The following NRG3 variants were observed in gnomAD, a reference collection of about 807,000 sequenced individuals.
NRG3 encodes pro-neuregulin-3, membrane-bound isoform.
In NRG3, 31 loss-of-function variants were observed where a neutral mutation model predicts 66.9. That is an observed-to-expected ratio of 0.46 (90% CI 0.35 to 0.63). The LOEUF is 0.63. Ranked by LOEUF, NRG3 falls within the 20% of genes least tolerant of loss-of-function variation. NRG3 has a pLI of 0.00. For missense variants in NRG3, 910 were observed against 878.9 expected (o/e 1.04, Z -0.45); for synonymous variants, 393 against 359.4 (o/e 1.09, Z -1.06).
At chr10:82,780,386 A>G (rs2060071645) in intron 3 of NRG3, among the ~76,000 whole-genome samples, 1 of 151,088 alleles carries the variant, frequency 6.6e-6, no homozygotes, top group Non-Finnish European at 1.5e-5. Context: ...GCATCTGTTG[A>G]GGATATTTGT....
intron 1 of NRG3, among the ~76,000 whole-genome samples, chr10:82,316,050 G>A (rs1003605243): frequency 6.6e-6 from 1 of 152,114 alleles, no homozygotes; most frequent in Non-Finnish European, 1.5e-5. Flanking sequence ...CTGACCACAA[G>A]CAATGGTGTT....
chr10:82,550,478 C>T (rs2044233417), intron 2 of NRG3, among the ~76,000 whole-genome samples: 1 of 152,090 alleles, frequency 6.6e-6, no homozygotes, highest in African/African-American at 2.4e-5. Context: ...CTCTTCTTTC[C>T]ATTAAATCCA....
chr10:82,424,487 T>C, intron 2 of NRG3, among the ~76,000 whole-genome samples: 1 of 152,188 alleles, frequency 6.6e-6, no homozygotes, highest in South Asian at 2.1e-4. Flanking sequence ...AAAAATTGGG[T>C]GATTTGTGTT....
intron 3 of NRG3, among the ~76,000 whole-genome samples, chr10:82,842,185 A>G (rs1318151163): frequency 6.6e-6 from 1 of 152,174 alleles, no homozygotes; most frequent in East Asian, 1.9e-4. Flanking sequence ...TGGGACACAG[A>G]TGTTGCAGTG....
At chr10:82,101,184 C>T (rs1415656005) in intron 1 of NRG3, among the ~76,000 whole-genome samples, 1 of 151,672 alleles carries the variant, frequency 6.6e-6, no homozygotes, top group Non-Finnish European at 1.5e-5. Flanking sequence ...CTTTTGTATT[C>T]TTGATACTGA....
At chr10:82,796,278 A>G (rs1384473170) in intron 3 of NRG3, among the ~76,000 whole-genome samples, 5 of 152,286 alleles carry the variant, frequency 3.3e-5, no homozygotes, top group East Asian at 1.9e-4. Context: ...CAAAATCTCC[A>G]TGAACTTAAT....
Position 82,979,003 on chromosome 10 carries a change from A to G in NRG3, c.1466A>G (p.Asn489Ser). The G allele has an allele frequency of 6.2e-7, 1 of 1,614,068 alleles. No individual in the cohort carries two copies. Among genetic ancestry groups the G allele is most frequent in the Non-Finnish European group, 8.5e-7 (1 of 1,179,982 alleles). ...PGQRSGMLHR[N>S]AFRRTPPSPR... Reference sequence around the variant, plus strand: ...CAAAGAAGTGGCATGCTCCATAGGAATGCCTTCAGAAGGACACCCCCGTCA... The same window carrying G: ...CAAAGAAGTGGCATGCTCCATAGGAGTGCCTTCAGAAGGACACCCCCGTCA... Residue 489 changes from asparagine to serine, a missense_variant, in exon 8 of 9, where the codon AAT (asparagine) becomes AGT (serine). Transcript: ENST00000372141.
chr10:82,271,797 ACT>A (rs1298930465), intron 1 of NRG3, among the ~76,000 whole-genome samples: 1 of 152,014 alleles, frequency 6.6e-6, no homozygotes, highest in Admixed American at 6.6e-5. Context: ...AAGGAAGTTT[ACT>A]CTCTTAGATT....
intron 1 of NRG3, among the ~76,000 whole-genome samples, chr10:82,301,229 G>T (rs927442304): frequency 6.6e-6 from 1 of 152,082 alleles, no homozygotes; most frequent in Non-Finnish European, 1.5e-5. Context: ...TACCAATTTA[G>T]CCCTGGCACT....
At chr10:82,546,613 G>T (rs996916799) in intron 2 of NRG3, among the ~76,000 whole-genome samples, 1 of 152,150 alleles carries the variant, frequency 6.6e-6, no homozygotes, top group African/African-American at 2.4e-5. Flanking sequence ...CCTAAAGTTA[G>T]AAATACGTGT....
At chr10:82,965,764 C>A (rs2132508753) in intron 6 of NRG3, among the ~76,000 whole-genome samples, 1 of 152,038 alleles carries the variant, frequency 6.6e-6, no homozygotes, top group South Asian at 2.1e-4. Flanking sequence ...TATATTAGCA[C>A]AGAGCATAAA....
intron 1 of NRG3, among the ~76,000 whole-genome samples, chr10:82,353,161 T>C (rs984707104): frequency 6.6e-6 from 1 of 152,166 alleles, no homozygotes; most frequent in African/African-American, 2.4e-5. Flanking sequence ...AGTGCAAGTT[T>C]CTTGAGGAAG....
intron 3 of NRG3, among the ~76,000 whole-genome samples, chr10:82,845,141 C>T (rs1450278676): frequency 2.6e-5 from 4 of 152,062 alleles, no homozygotes; most frequent in East Asian, 1.9e-4. Context: ...GGCGATAAAG[C>T]GAGACTGCAT....
At chr10:82,581,185 T>C (rs1600698) in intron 2 of NRG3, among the ~76,000 whole-genome samples, 88,992 of 151,784 alleles carry the variant, frequency 0.59, 28,661 homozygotes, top group African/African-American at 0.85. Flanking sequence ...TAATGACATG[T>C]GATGTTGGGT....
intron 1 of NRG3, among the ~76,000 whole-genome samples, chr10:82,023,038 T>C (rs1203014989): frequency 6.6e-6 from 1 of 151,672 alleles, no homozygotes; most frequent in African/African-American, 2.4e-5. Flanking sequence ...ATTCTTTCTT[T>C]GGGTTGGGAA....
chr10:82,118,732 T>G (rs1340553866), intron 1 of NRG3, among the ~76,000 whole-genome samples: 1 of 152,134 alleles, frequency 6.6e-6, no homozygotes, highest in Non-Finnish European at 1.5e-5. Context: ...AAATGATTTT[T>G]TTTTCTTTGC....
chr10:82,773,444 G>A (rs530169341), intron 3 of NRG3, among the ~76,000 whole-genome samples: 5 of 152,112 alleles, frequency 3.3e-5, no homozygotes, highest in Non-Finnish European at 4.4e-5. Flanking sequence ...TTGATTTTCA[G>A]CTATCGGGTT....
intron 2 of NRG3, among the ~76,000 whole-genome samples, chr10:82,640,488 A>T (rs1340362428): frequency 6.6e-6 from 1 of 152,156 alleles, no homozygotes; most frequent in Admixed American, 6.6e-5. Flanking sequence ...GTGCAAATCC[A>T]TCATCAGGTA....
intron 4 of NRG3, among the ~76,000 whole-genome samples, chr10:82,936,221 C>A (rs939656557): frequency 6.6e-6 from 1 of 152,058 alleles, no homozygotes; most frequent in African/African-American, 2.4e-5. Context: ...ACAACATGGA[C>A]AGTAATGAAA....
Sources: gnomAD v4.1 joint callset for allele counts (sites outside exome capture counted in the v4.1 genomes callset) on GRCh38, gnomAD v4.1.1 for gene constraint, MANE v1.5 for transcripts, NCBI Gene and HGNC (gene_info 2026-07-23, HGNC 2026-07-21) for gene names.